Variants in FOCAD observed in about 807,000 individuals in gnomAD.
FOCAD encodes the protein KIAA1797.
FOCAD carries 198 observed loss-of-function variants against 225.6 expected under a neutral mutation model. That is an observed-to-expected ratio of 0.88 (90% CI 0.78 to 0.99). FOCAD has a LOEUF of 0.99. Among genes scored for constraint, FOCAD ranks in the 50% least tolerant of loss-of-function variants. The pLI is 0.00. For synonymous variants in FOCAD, 897 were observed against 755.0 expected (o/e 1.19, Z -3.08); for missense variants, 2,713 against 2,123.6 (o/e 1.28, Z -5.46).
rs747773821 is a variant in FOCAD, at chr9:20,949,554, A to T, written c.3877-50A>T. ...CTCATGCACCGGGAATATAACTCTT[A>T]ACTTTTTTATGGGGGTGGGTGGGAT... On this transcript the variant is annotated intron_variant, in intron 32 of 43. Transcript: ENST00000338382. 4.7e-6 allele frequency: 6 copies of T among 1,275,208 alleles called. No individual in the cohort carries two copies. In the African/African-American group the frequency reaches 8.4e-5, roughly 18 times the overall value. 79.0% of individuals were successfully genotyped at this position (1,275,208 alleles called of 1,614,324 possible).
intron 1 of FOCAD, among the ~76,000 whole-genome samples, chr9:20,701,024 A>G (rs1823900890): frequency 1.3e-5 from 2 of 152,144 alleles, no homozygotes; most frequent in African/African-American, 2.4e-5. Flanking sequence ...TGCTATATAG[A>G]TGGAAACTAG....
intron 38 of FOCAD, 92 bp from the exon 39 acceptor site, chr9:20,982,265 C>A (rs1840765404): frequency 1.1e-6 from 1 of 890,652 alleles, no homozygotes; most frequent in Non-Finnish European, 1.7e-6. Context: ...AGCTGCTGTT[C>A]ATGGGGATAA....
At chr9:20,989,501 G>A (rs914690613) in intron 41 of FOCAD, among the ~76,000 whole-genome samples, 1 of 152,070 alleles carries the variant, frequency 6.6e-6, no homozygotes, top group Admixed American at 6.5e-5. Context: ...AATCTAAATG[G>A]ATAGATCCTG....
chr9:20,678,940 C>T (rs941371931), intron 2 of FOCAD, among the ~76,000 whole-genome samples: 3 of 152,278 alleles, frequency 2.0e-5, no homozygotes, highest in South Asian at 4.2e-4. Context: ...GGGACCCTGA[C>T]TGATAGAGTA....
intron 15 of FOCAD, among the ~76,000 whole-genome samples, chr9:20,835,717 C>T (rs532491023): frequency 6.6e-6 from 1 of 152,134 alleles, no homozygotes; most frequent in South Asian, 2.1e-4. Context: ...TTTTGTCTCC[C>T]AAAGTCTTGA....
chr9:20,859,817 A>T (rs979424260), intron 15 of FOCAD, among the ~76,000 whole-genome samples: 1 of 151,084 alleles, frequency 6.6e-6, no homozygotes, highest in East Asian at 1.9e-4. Context: ...CAAAGAGCAC[A>T]TGTTATATTA....
At chr9:20,690,751 G>A (rs1822922220) in intron 1 of FOCAD, among the ~76,000 whole-genome samples, 1 of 151,972 alleles carries the variant, frequency 6.6e-6, no homozygotes, top group Non-Finnish European at 1.5e-5. Flanking sequence ...GTCTTACCAT[G>A]TTGCTCAGGC....
chr9:20,885,289 A>C lies in FOCAD; in HGVS notation c.2625+59A>C, dbSNP rs190385817. Reference sequence around the variant, plus strand: ...TGTTTTCTCCCTTCATGATATGTTTAAGAAGTTGTTTGTTTAGAAATAATT... The same window carrying C: ...TGTTTTCTCCCTTCATGATATGTTTCAGAAGTTGTTTGTTTAGAAATAATT... On this transcript the variant is annotated intron_variant, in intron 21 of 43. Coordinates refer to ENST00000338382, the MANE Select transcript of FOCAD (RefSeq NM_001375567.1). 2.6e-5 allele frequency: 35 copies of C among 1,327,366 alleles called. No homozygotes were observed. In the East Asian group the frequency reaches 5.7e-4, roughly 22 times the overall value. The allele number at this position is 1,327,366 out of a possible 1,614,324, so 82.2% of individuals were successfully genotyped here.
At chr9:20,975,255 T>C (rs1840129035) in intron 35 of FOCAD, among the ~76,000 whole-genome samples, 1 of 152,190 alleles carries the variant, frequency 6.6e-6, no homozygotes, top group Admixed American at 6.6e-5. Flanking sequence ...GGTTGCACCA[T>C]ATGTTTGCAC....
At chr9:20,869,202 G>A (rs1262496159) in intron 18 of FOCAD, among the ~76,000 whole-genome samples, 1 of 152,076 alleles carries the variant, frequency 6.6e-6, no homozygotes, top group African/African-American at 2.4e-5. Context: ...ACATTACTCT[G>A]CACTAAGGGC....
chr9:20,920,455 A>C (rs1834302620), intron 24 of FOCAD, among the ~76,000 whole-genome samples: 1 of 126,156 alleles, frequency 7.9e-6, no homozygotes, highest in Non-Finnish European at 1.6e-5. Context: ...CAGCCATCCC[A>C]TTACTGGGTA....
At chr9:20,665,949 C>G (rs1821887751) in intron 2 of FOCAD, among the ~76,000 whole-genome samples, 1 of 151,980 alleles carries the variant, frequency 6.6e-6, no homozygotes, top group Non-Finnish European at 1.5e-5. Flanking sequence ...GGTTGGAGTG[C>G]AATGGCGTGG....
chr9:20,782,002 C>T (rs888159525), intron 10 of FOCAD, 73 bp downstream of exon 10: 8 of 1,309,456 alleles, frequency 6.1e-6, no homozygotes, highest in Non-Finnish European at 8.8e-6. Flanking sequence ...ATAATCTTGC[C>T]TCCTGATGAA....
At chr9:20,988,257 G>A (rs1841357704) in intron 40 of FOCAD, 75 bp from the exon 41 acceptor site, 1 of 874,214 alleles carries the variant, frequency 1.1e-6, no homozygotes. Context: ...CTTTAGTTAT[G>A]ATGGTTGTTA....
At chr9:20,765,205 A>G (rs1829954382) in intron 7 of FOCAD, 132 bp downstream of exon 7, 1 of 714,878 alleles carries the variant, frequency 1.4e-6, no homozygotes, top group African/African-American at 1.8e-5. Flanking sequence ...AAATGCTTAC[A>G]ATCTTTTGGG....
intron 11 of FOCAD, among the ~76,000 whole-genome samples, chr9:20,818,608 T>C (rs1000255831): frequency 6.6e-6 from 1 of 152,114 alleles, no homozygotes; most frequent in Non-Finnish European, 1.5e-5. Flanking sequence ...ATTCCAGCAC[T>C]ATCCCTCCGA....
At chr9:20,740,438 C>A in intron 5 of FOCAD, 98 bp downstream of exon 5, 1 of 679,308 alleles carries the variant, frequency 1.5e-6, no homozygotes, top group Non-Finnish European at 2.5e-6. Flanking sequence ...TTATTTAATT[C>A]AGCAGGATAT....
intron 26 of FOCAD, among the ~76,000 whole-genome samples, chr9:20,928,110 T>C (rs571535946): frequency 6.6e-6 from 1 of 152,288 alleles, no homozygotes; most frequent in African/African-American, 2.4e-5. Context: ...GTCTTTGCAA[T>C]AACTATCTAG....
chr9:20,687,451 T>C (rs905077931), intron 1 of FOCAD, among the ~76,000 whole-genome samples: 1 of 152,200 alleles, frequency 6.6e-6, no homozygotes, highest in African/African-American at 2.4e-5. Context: ...GGGTGTATCT[T>C]TCCCTTCTCT....
Sources: allele counts gnomAD v4.1 joint callset (sites outside exome capture counted in the v4.1 genomes callset), GRCh38; gene constraint gnomAD v4.1.1; transcripts MANE v1.5; gene names NCBI Gene and HGNC (gene_info 2026-07-23, HGNC 2026-07-21).